The following COG4 variants were observed in gnomAD, a reference collection of about 807,000 sequenced individuals.
COG4 encodes component of oligomeric golgi complex 4.
COG4 carries 65 observed loss-of-function variants against 95.1 expected under a neutral mutation model. That is an observed-to-expected ratio of 0.68 (90% confidence interval 0.56 to 0.84). The LOEUF (loss-of-function observed/expected upper bound fraction) is 0.84, where lower values mean the gene tolerates loss of function less well. Among genes scored for constraint, COG4 ranks in the 40% least tolerant of loss-of-function variants. The pLI, the probability that COG4 is intolerant of heterozygous loss-of-function variation, is 0.00. For missense variants in COG4, 1,045 were observed against 989.1 expected (o/e 1.06, Z -0.76); for synonymous variants, 421 against 374.8 (o/e 1.12, Z -1.42).
intron 12 of COG4, among the ~76,000 whole-genome samples, chr16:70,495,359 T>C (rs1033174901): frequency 1.3e-4 from 19 of 146,588 alleles, no homozygotes; most frequent in Non-Finnish European, 2.8e-4. Flanking sequence ...GTCATGCCAT[T>C]GCACTCCAGC....
chr16:70,505,089 T>G (rs780340988), intron 8 of COG4, among the ~76,000 whole-genome samples: 3 of 152,114 alleles, frequency 2.0e-5, no homozygotes, highest in Non-Finnish European at 4.4e-5. Flanking sequence ...GAAGAAAAAA[T>G]TATGTTTGCT....
chr16:70,484,257 A>G (rs2049082004), intron 13 of COG4, among the ~76,000 whole-genome samples: 1 of 152,196 alleles, frequency 6.6e-6, no homozygotes, highest in Non-Finnish European at 1.5e-5. Flanking sequence ...TCAGTCATGT[A>G]TTAGTTGAGT....
chr16:70,520,664 A>G (rs1416148137), intron 1 of COG4, among the ~76,000 whole-genome samples: 1 of 152,012 alleles, frequency 6.6e-6, no homozygotes, highest in East Asian at 1.9e-4. Context: ...CAATGCCTAA[A>G]CAAAAAACAC....
At chr16:70,511,792 C>T (rs544470374) in intron 5 of COG4, among the ~76,000 whole-genome samples, 39 of 152,048 alleles carry the variant, frequency 2.6e-4, no homozygotes, top group South Asian at 1.7e-3. Context: ...ATTAGCTGGG[C>T]GTGGTAGCAT....
Position 70,503,886 on chromosome 16 carries a change from G to A in COG4, c.1062-2795C>T, listed in dbSNP as rs191731073. On this transcript the variant is annotated intron_variant, in intron 8 of 18. Transcript: ENST00000323786. ...TGGGATTACAGGCGTGAGCCACCGC[G>A]CCCGGCCAACTCCTACTTACTCTTA... Among the ~76,000 whole-genome samples the A allele has an allele frequency of 3.3e-5, 4 of 122,826 alleles. 1 individual carries two copies. The highest frequency in any genetic ancestry group is 2.8e-4 in the African/African-American group (4 of 14,422). 80.6% of individuals were successfully genotyped at this position (122,826 alleles called of 152,430 possible).
chr16:70,490,469 A>G, intron 12 of COG4, 77 bp from the exon 13 acceptor site: 1 of 1,202,650 alleles, frequency 8.3e-7, no homozygotes, highest in Non-Finnish European at 1.2e-6. Context: ...ACTGGCTGAC[A>G]GCTGTGCTCC....
Position 70,490,238 on chromosome 16 carries a change from G to C in COG4, c.1710+92C>G, listed in dbSNP as rs542606148. 147 of 1,059,772 alleles carry C rather than the reference G, an allele frequency of 1.4e-4. No homozygotes were observed. The Middle Eastern group carries it at 2.6e-3, about 19-fold the overall frequency. The allele number at this position is 1,059,772 out of a possible 1,614,324, so 65.6% of individuals were successfully genotyped here. A position where few individuals can be genotyped will look rare whatever the true frequency, so the allele number is the denominator to read the frequency against. On this transcript the variant is annotated intron_variant, in intron 13 of 18. Transcript: ENST00000323786. ...CTCAAGTGTGGCTCAATGTCACCAA[G>C]ATAAGTGTCTTCACCATGATGTTTG... is the stretch of plus-strand genomic sequence containing the variant.
At chr16:70,499,968 T>C (rs1282323049) in intron 9 of COG4, among the ~76,000 whole-genome samples, 1 of 152,108 alleles carries the variant, frequency 6.6e-6, no homozygotes, top group East Asian at 1.9e-4. Context: ...CCTAAAAATT[T>C]TTTTAAATGT....
intron 15 of COG4, 44 bp from the exon 16 acceptor site, chr16:70,482,219 A>C (rs752944581): frequency 1.6e-5 from 19 of 1,222,058 alleles, no homozygotes; most frequent in Non-Finnish European, 2.3e-5. Flanking sequence ...CCTCATAAGA[A>C]GTACCATTCA....
intron 6 of COG4, 121 bp downstream of exon 6, chr16:70,509,795 T>G: frequency 1.3e-6 from 1 of 759,010 alleles, no homozygotes; most frequent in Admixed American, 2.1e-5. Flanking sequence ...TCCAATCAAT[T>G]AATACACAAT....
At chr16:70,503,619 G>C (rs2049498601) in intron 8 of COG4, among the ~76,000 whole-genome samples, 1 of 112,378 alleles carries the variant, frequency 8.9e-6, no homozygotes, top group Non-Finnish European at 1.5e-5. Context: ...TTTTGAGACG[G>C]AGTCTCACTC....
Position 70,494,880 on chromosome 16 carries a change from C to A in COG4, c.1647+1386G>T, listed in dbSNP as rs976942394. Among the ~76,000 whole-genome samples the A allele has an allele frequency of 2.4e-4, 36 of 152,110 alleles. 1 individual carries two copies. Among genetic ancestry groups the A allele is most frequent in the Admixed American group, 2.3e-3 (35 of 15,264 alleles). ...TTTGGATCTGATCTTTTTTTGGCAGCAACCATGATATCCTAGATTGACAGA... is the reference window on the plus strand; with the variant it reads ...TTTGGATCTGATCTTTTTTTGGCAGAAACCATGATATCCTAGATTGACAGA... On this transcript the variant is annotated intron_variant, in intron 12 of 18. Coordinates refer to ENST00000323786, the MANE Select transcript of COG4 (RefSeq NM_015386.3).
At chr16:70,506,518 C>G (rs1398285540) in intron 8 of COG4, among the ~76,000 whole-genome samples, 1 of 136,430 alleles carries the variant, frequency 7.3e-6, no homozygotes, top group Admixed American at 8.6e-5. Context: ...CTAAACCTAG[C>G]AGGTGGAGGT....
chr16:70,480,849 G>A lies in COG4; in HGVS notation c.*161C>T. On this transcript the variant is annotated 3_prime_UTR_variant, in exon 19 of 19. Transcript: ENST00000323786. ...TCACCTGGCCAGGTCTGAGGGCAGAGCATGGAGTGGGTCCAGACTTTGTTT... is the reference window on the plus strand; with the variant it reads ...TCACCTGGCCAGGTCTGAGGGCAGAACATGGAGTGGGTCCAGACTTTGTTT... 1 of 800,090 alleles carries A rather than the reference G, an allele frequency of 1.2e-6. No homozygotes were observed. Among genetic ancestry groups the A allele is most frequent in the Non-Finnish European group, 2.1e-6 (1 of 486,716 alleles). The allele number at this position is 800,090 out of a possible 1,614,324, so 49.6% of individuals were successfully genotyped here.
chr16:70,492,702 C>A (rs566345357), intron 12 of COG4, among the ~76,000 whole-genome samples: 1 of 150,466 alleles, frequency 6.6e-6, no homozygotes, highest in Admixed American at 6.6e-5. Flanking sequence ...GTGGCTCACA[C>A]CTGTAATCCC....
intron 13 of COG4, among the ~76,000 whole-genome samples, chr16:70,485,831 C>T (rs1447778101): frequency 1.3e-5 from 2 of 151,762 alleles, no homozygotes; most frequent in East Asian, 1.9e-4. Flanking sequence ...GTGATCTGCC[C>T]GCCTGAGCCT....
intron 13 of COG4, among the ~76,000 whole-genome samples, chr16:70,488,584 G>A (rs1192973691): frequency 2.0e-5 from 3 of 151,986 alleles, no homozygotes; most frequent in Admixed American, 6.6e-5. Context: ...TTTCGCTCTT[G>A]TTGCCCAGGC....
Position 70,523,487 on chromosome 16 carries a change from C to G in COG4, c.57G>C (p.Gln19His), listed in dbSNP as rs1322981042. ...DSPPKLSGVQ[Q>H]PSEGVGGGRC... ...GGCCACCTCCCACCCCCTCAGACGG[C>G]TGCTGCACCCCTGACAGCTTCGGAG... The change falls in exon 1 of 19, where the codon CAG becomes CAC. Residue 19 changes from glutamine (Q) to histidine (H), a missense_variant. Gln to His is a conservative substitution (Grantham distance 24). Transcript: ENST00000323786. The G allele has an allele frequency of 6.2e-7, 1 of 1,614,130 alleles. No individual in the cohort carries two copies. Among genetic ancestry groups the G allele is most frequent in the South Asian group, 1.1e-5 (1 of 91,090 alleles).
chr16:70,512,372 A>G lies in COG4; in HGVS notation c.605T>C (p.Ile202Thr), dbSNP rs766112308. ...LQEAEQRLKA[I>T]VAEKFAIATK... ...GGCAATGGCAAACTTCTCTGCCACAATGGCTTTGAGACGTTGCTCAGCTTC... is the reference window on the plus strand; with the variant it reads ...GGCAATGGCAAACTTCTCTGCCACAGTGGCTTTGAGACGTTGCTCAGCTTC... The change falls in exon 5 of 19, where the codon ATT becomes ACT. Residue 202 changes from isoleucine to threonine, a missense_variant. Coordinates refer to ENST00000323786, the MANE Select transcript of COG4 (RefSeq NM_015386.3). 14 of 1,614,160 alleles carry G rather than the reference A, an allele frequency of 8.7e-6. No individual in the cohort carries two copies. Among genetic ancestry groups the G allele is most frequent in the South Asian group, 5.5e-5 (5 of 91,080 alleles).
Sources: allele counts gnomAD v4.1 joint callset (sites outside exome capture counted in the v4.1 genomes callset), GRCh38; gene constraint gnomAD v4.1.1; transcripts MANE v1.5; gene names NCBI Gene and HGNC (gene_info 2026-07-23, HGNC 2026-07-21).